PGM2L1: variants seen among roughly 807,000 people sequenced by gnomAD.
The protein encoded by PGM2L1 is glucose 1,6-bisphosphate synthase.
A neutral mutation model predicts 73.4 loss-of-function variants in PGM2L1; 35 were observed. The ratio of observed to expected loss-of-function variants is 0.48; its 90% CI spans 0.36 to 0.63. PGM2L1 has a LOEUF of 0.63. Ranked by LOEUF, PGM2L1 falls within the 30% of genes least tolerant of loss-of-function variation. The pLI is 0.00. For missense variants in PGM2L1, 570 were observed against 742.0 expected (o/e 0.77, Z 2.69); for synonymous variants, 225 against 253.8 (o/e 0.89, Z 1.08).
Position 74,374,428 on chromosome 11 carries a change from A to G in PGM2L1, c.266T>C (p.Ile89Thr), listed in dbSNP as rs760168612. 6 of 1,612,120 alleles carry G rather than the reference A, an allele frequency of 3.7e-6. No individual in the cohort carries two copies. The highest frequency in any genetic ancestry group is 5.1e-6 in the Non-Finnish European group (6 of 1,178,750). ...TATAATACTTACCTGTGTTGACTGT[A>G]TTACTGTAAGGTCATTAATATAGCA... ...GFCYINDLTV[I>T]QSTQGMYKYL... The change falls in exon 2 of 14, where the codon ATA (isoleucine) becomes ACA (threonine). Residue 89 changes from isoleucine (I) to threonine (T), a missense_variant. Coordinates refer to ENST00000298198, the MANE Select transcript of PGM2L1 (RefSeq NM_173582.6).
At chr11:74,379,237 A>T (rs1449230354) in intron 1 of PGM2L1, among the ~76,000 whole-genome samples, 1 of 152,182 alleles carries the variant, frequency 6.6e-6, no homozygotes. Flanking sequence ...GAGGGAACAA[A>T]AGAGAGCTGC....
chr11:74,374,052 C>CAAAAAA lies in PGM2L1; in HGVS notation c.279+357_279+362dup, dbSNP rs60395088. Among the ~76,000 whole-genome samples the CAAAAAA allele has an allele frequency of 4.0e-4, 34 of 85,494 alleles. 3 individuals are homozygous for CAAAAAA. The highest frequency in any genetic ancestry group is 1.1e-3 in the East Asian group (3 of 2,610). 56.1% of individuals were successfully genotyped at this position (85,494 alleles called of 152,430 possible). A position where few individuals can be genotyped will look rare whatever the true frequency, so the allele number is the denominator to read the frequency against. On this transcript the variant is annotated intron_variant, in intron 2 of 13. Coordinates refer to ENST00000298198, the MANE Select transcript of PGM2L1 (RefSeq NM_173582.6). ...AATGGCACTACCTAATTTATAAAGC[C>CAAAAAA]AAAAAAAAAAAAAAAAAAAACCAGA...
In PGM2L1 at chr11:74,363,893, G is replaced by A. The variant is rs190400752; in HGVS notation, c.555+4599C>T. Among the ~76,000 whole-genome samples the A allele has an allele frequency of 3.2e-3, 489 of 152,186 alleles. 3 individuals are homozygous for A. In the Middle Eastern group the frequency reaches 0.034, roughly 11 times the overall value. ...CAGCATCATCCTGATACCAAAGCCT[G>A]GCAGAGACACAACAAAAAAAAAGAG... On this transcript the variant is annotated intron_variant, in intron 5 of 13. Coordinates refer to ENST00000298198, the MANE Select transcript of PGM2L1 (RefSeq NM_173582.6).
intron 11 of PGM2L1, 42 bp downstream of exon 11, chr11:74,342,843 A>G: frequency 6.5e-7 from 1 of 1,535,804 alleles, no homozygotes; most frequent in Non-Finnish European, 8.8e-7. Context: ...AGGACAATAA[A>G]AGAAAAATCT....
rs200256315 is a variant in PGM2L1, at chr11:74,336,757, G to C, written c.1767-3C>G. 1.5e-4 allele frequency: 241 copies of C among 1,577,156 alleles called. No individual in the cohort carries two copies. The highest frequency in any genetic ancestry group is 2.0e-4 in the Non-Finnish European group (226 of 1,153,594). ...CTTCCTCCAGTAAAGCAGTGTCACT[G>C]AGGAAAAGATGAAGAGTTTTGGAAT... is the stretch of plus-strand genomic sequence containing the variant. On this transcript the variant is annotated splice_region_variant and splice_polypyrimidine_tract_variant and intron_variant, in intron 13 of 13. Transcript: ENST00000298198.
At position 74,342,475 on chromosome 11, in the gene PGM2L1, G is replaced by T; in HGVS notation, c.1618C>A (p.Pro540Thr). ...AAGGTACTTACTGATTTCTTATTAG[G>T]CTGGCTACTGTCATATCCAGTGGTA... ...DVTTGYDSSQ[P>T]NKKSVLPVSK... Residue 540 changes from proline to threonine, a missense_variant, in exon 12 of 14, where the codon CCT becomes ACT. Transcript: ENST00000298198. 6.8e-7 allele frequency: 1 copy of T among 1,472,720 alleles called. No individual in the cohort carries two copies. The highest frequency in any genetic ancestry group is 1.5e-5 in the South Asian group (1 of 67,188). 91.2% of individuals were successfully genotyped at this position (1,472,720 alleles called of 1,614,324 possible).
At chr11:74,388,018 G>T (rs893373180) in intron 1 of PGM2L1, among the ~76,000 whole-genome samples, 18 of 152,054 alleles carry the variant, frequency 1.2e-4, no homozygotes, top group African/African-American at 4.3e-4. Flanking sequence ...TGTACATGTT[G>T]TTCTATAACT....
At chr11:74,357,748 A>G (rs112735212) in intron 5 of PGM2L1, among the ~76,000 whole-genome samples, 4,272 of 130,358 alleles carry the variant, frequency 0.033, 115 homozygotes, top group African/African-American at 0.068. Context: ...AGCTTTATTC[A>G]TAATTGCCAA....
At chr11:74,341,695 G>GA (rs11336177) in intron 12 of PGM2L1, among the ~76,000 whole-genome samples, 25,664 of 94,000 alleles carry the variant, frequency 0.27, 4,155 homozygotes, top group African/African-American at 0.51. Flanking sequence ...CTGTCTCAAG[G>GA]AAAAAAAAAA....
rs1862421938 is a variant in PGM2L1 at position 74,355,065 on chromosome 11, G to A, written c.556-3489C>T. 14 of 1,304,448 alleles carry A rather than the reference G, an allele frequency of 1.1e-5. No individual in the cohort carries two copies. The South Asian group carries it at 1.4e-4, about 13-fold the overall frequency. 80.8% of individuals were successfully genotyped at this position (1,304,448 alleles called of 1,614,324 possible). A position where few individuals can be genotyped will look rare whatever the true frequency, so the allele number is the denominator to read the frequency against. On this transcript the variant is annotated intron_variant, in intron 5 of 13. Coordinates refer to ENST00000298198, the MANE Select transcript of PGM2L1 (RefSeq NM_173582.6). ...CTCTGGAAACTTTGGTGGTGGTCGT[G>A]GAGGTGGTTTTGGTGGGAAGGACAA... is the stretch of plus-strand genomic sequence containing the variant.
intron 5 of PGM2L1, 92 bp from the exon 6 acceptor site, chr11:74,351,668 C>T: frequency 8.2e-7 from 1 of 1,220,916 alleles, no homozygotes. Flanking sequence ...TATTAAAAAG[C>T]ATATCAAATT....
In PGM2L1 at chr11:74,345,552, C is replaced by T; in HGVS notation, c.1135G>A (p.Val379Met). 2.5e-6 allele frequency: 4 copies of T among 1,613,436 alleles called. No individual in the cohort carries two copies. Among genetic ancestry groups the T allele is most frequent in the Non-Finnish European group, 3.4e-6 (4 of 1,179,470 alleles). ...GTGGCTAACATATAAACGTTCTTCACATCAGCATTTCTTGATTTATTTTTC... is the reference window on the plus strand; with the variant it reads ...GTGGCTAACATATAAACGTTCTTCATATCAGCATTTCTTGATTTATTTTTC... ...WKKNKSRNADVKNVYMLATTV... is the reference protein window; with the variant it reads ...WKKNKSRNADMKNVYMLATTV... The change falls in exon 9 of 14, where the codon GTG becomes ATG. Residue 379 changes from valine to methionine, a missense_variant. By Grantham distance (21) the Val-to-Met change is conservative. Transcript: ENST00000298198.
chr11:74,390,069 A>T (rs1863076403), intron 1 of PGM2L1, among the ~76,000 whole-genome samples: 1 of 147,560 alleles, frequency 6.8e-6, no homozygotes, highest in Non-Finnish European at 1.5e-5. Flanking sequence ...CAGTGAGCCG[A>T]GATTGCGCCA....
rs376041650 is a variant in PGM2L1 at position 74,338,460 on chromosome 11, A to G, written c.1766+8T>C. 5.9e-6 allele frequency: 9 copies of G among 1,538,232 alleles called. No homozygotes were observed. The highest frequency in any genetic ancestry group is 2.7e-5 in the African/African-American group (2 of 73,756). Reference sequence around the variant, plus strand: ...TTGTATGTATATCTTAAAAAAATCAATTCTTACCTCTGGTCAGGTGACGCA... The same window carrying G: ...TTGTATGTATATCTTAAAAAAATCAGTTCTTACCTCTGGTCAGGTGACGCA... On this transcript the variant is annotated splice_region_variant and intron_variant, in intron 13 of 13. Coordinates refer to ENST00000298198, the MANE Select transcript of PGM2L1 (RefSeq NM_173582.6).
At chr11:74,383,843 A>ATATATAT (rs398016660) in intron 1 of PGM2L1, among the ~76,000 whole-genome samples, 5 of 145,592 alleles carry the variant, frequency 3.4e-5, no homozygotes, top group African/African-American at 5.1e-5. Context: ...ATATATATAT[A>ATATATAT]ACATTTTCTT....
At chr11:74,342,370 T>C in intron 12 of PGM2L1, 91 bp downstream of exon 12, 1 of 999,760 alleles carries the variant, frequency 1.0e-6, no homozygotes. Flanking sequence ...CTGGATTGAA[T>C]CTCATGTGAA....
rs534638518 is a variant in PGM2L1 at position 74,370,605 on chromosome 11, G to A, written c.471+297C>T. 1.2e-3 allele frequency among the ~76,000 whole-genome samples: 186 copies of A among 152,188 alleles called. 1 individual carries two copies. Among genetic ancestry groups the A allele is most frequent in the African/African-American group, 4.3e-3 (179 of 41,528 alleles). On this transcript the variant is annotated intron_variant, in intron 4 of 13. Transcript: ENST00000298198. ...CCCAGATCAAGCCTGTTAACAATGT[G>A]TTCAAATCTATCCTTCATCATTTTT...
Position 74,336,625 on chromosome 11 carries a change from A to G in PGM2L1, c.*27T>C. ...CGGTTGCTCTGTTCCATATGCCCACACAGTGTCATGACATATTGGTGTACC... is the reference window on the plus strand; with the variant it reads ...CGGTTGCTCTGTTCCATATGCCCACGCAGTGTCATGACATATTGGTGTACC... On this transcript the variant is annotated 3_prime_UTR_variant, in exon 14 of 14. Transcript: ENST00000298198. 1 of 1,499,984 alleles carries G rather than the reference A, an allele frequency of 6.7e-7. No individual in the cohort carries two copies. The highest frequency in any genetic ancestry group is 9.2e-7 in the Non-Finnish European group (1 of 1,091,120). 92.9% of individuals were successfully genotyped at this position (1,499,984 alleles called of 1,614,324 possible).
intron 2 of PGM2L1, among the ~76,000 whole-genome samples, chr11:74,372,497 ATACTT>A (rs1165682719): frequency 2.6e-5 from 4 of 152,164 alleles, no homozygotes; most frequent in African/African-American, 7.2e-5. Context: ...ACTTTAATAA[ATACTT>A]TAATATCTAA....
Sources: allele counts gnomAD v4.1 joint callset (sites outside exome capture counted in the v4.1 genomes callset), GRCh38; gene constraint gnomAD v4.1.1; transcripts MANE v1.5; gene names NCBI Gene and HGNC (gene_info 2026-07-23, HGNC 2026-07-21).